GRID1: variants seen among roughly 807,000 people sequenced by gnomAD.
GRID1 encodes the protein glutamate receptor ionotropic, delta-1.
In GRID1, 28 loss-of-function variants were observed where a neutral mutation model predicts 98.0. That is an observed-to-expected ratio of 0.29 (90% CI 0.21 to 0.39). The LOEUF is 0.39. GRID1 is among the 10% of genes least tolerant of loss of function. The pLI is 1.00. For missense variants in GRID1, 1,111 were observed against 1,340.5 expected, an observed-to-expected ratio of 0.83 and a Z score of 2.67; for synonymous variants, 553 against 538.5, an observed-to-expected ratio of 1.03 and a Z score of -0.37.
chr10:86,038,788 G>C (rs928587012), intron 4 of GRID1, among the ~76,000 whole-genome samples: 1 of 152,162 alleles, frequency 6.6e-6, no homozygotes, highest in Admixed American at 6.5e-5. Flanking sequence ...AGGATCTATT[G>C]TGTGTTGGCT....
chr10:85,770,760 A>C (rs1309914395), intron 8 of GRID1, among the ~76,000 whole-genome samples: 1 of 152,194 alleles, frequency 6.6e-6, no homozygotes, highest in East Asian at 1.9e-4. Flanking sequence ...TGAAGTGAGA[A>C]GGGAAGTTTA....
intron 12 of GRID1, among the ~76,000 whole-genome samples, chr10:85,648,394 A>C (rs1395612967): frequency 1.3e-5 from 2 of 152,196 alleles, no homozygotes; most frequent in Admixed American, 1.3e-4. Context: ...GCAAAATAAA[A>C]AAAGCCCAGT....
intron 3 of GRID1, among the ~76,000 whole-genome samples, chr10:86,188,565 G>A (rs1255829082): frequency 2.0e-5 from 3 of 151,682 alleles, no homozygotes; most frequent in African/African-American, 7.2e-5. Flanking sequence ...AGGCATACAG[G>A]AAGAATGCCA....
chr10:86,008,005 G>A (rs1041236131), intron 4 of GRID1, among the ~76,000 whole-genome samples: 1 of 151,996 alleles, frequency 6.6e-6, no homozygotes. Flanking sequence ...CACTGATATT[G>A]TCACCTGAGA....
At chr10:85,956,351 T>G (rs1163298060) in intron 4 of GRID1, among the ~76,000 whole-genome samples, 11 of 150,194 alleles carry the variant, frequency 7.3e-5, no homozygotes, top group African/African-American at 2.4e-4. Flanking sequence ...TCCAGCAAGC[T>G]TCTGCTAGCC....
rs372361211 is a variant in GRID1, at chr10:86,152,773, G to A, written c.521-13749C>T. The stretch of plus-strand genomic sequence containing the variant: ...GCACCTGGGACAGAGCCCGTGTGAG[G>A]GGCAGGCTGCTCGGAACAGCAGCCC... On this transcript the variant is annotated intron_variant, in intron 3 of 15. Transcript: ENST00000327946. Among the ~76,000 whole-genome samples, 25 of 152,324 alleles carry A rather than the reference G, an allele frequency of 1.6e-4. No individual in the cohort carries two copies. The East Asian group carries it at 4.1e-3, about 25-fold the overall frequency.
At chr10:85,994,484 G>GGACC (rs1440493188) in intron 4 of GRID1, among the ~76,000 whole-genome samples, 8 of 152,132 alleles carry the variant, frequency 5.3e-5, no homozygotes, top group Admixed American at 1.3e-4. Flanking sequence ...TAGATGCTGG[G>GGACC]GACCACACAG....
intron 3 of GRID1, among the ~76,000 whole-genome samples, chr10:86,197,726 C>T (rs1448270957): frequency 6.6e-6 from 1 of 152,058 alleles, no homozygotes; most frequent in Non-Finnish European, 1.5e-5. Flanking sequence ...CTGCATCAGG[C>T]ATCTCCTCAT....
At chr10:86,118,111 T>A (rs572053017) in intron 4 of GRID1, among the ~76,000 whole-genome samples, 2 of 152,070 alleles carry the variant, frequency 1.3e-5, no homozygotes, top group South Asian at 4.2e-4. Flanking sequence ...GATAGATATA[T>A]ATACACACAC....
chr10:86,254,340 G>C (rs1176714356), intron 2 of GRID1, among the ~76,000 whole-genome samples: 1 of 152,180 alleles, frequency 6.6e-6, no homozygotes, highest in Non-Finnish European at 1.5e-5. Context: ...ATCTAGGCCA[G>C]AGGTTCTCAA....
chr10:86,024,610 T>G (rs1843092727), intron 4 of GRID1, among the ~76,000 whole-genome samples: 1 of 152,164 alleles, frequency 6.6e-6, no homozygotes, highest in Non-Finnish European at 1.5e-5. Flanking sequence ...CTGAGCCAGG[T>G]GAGGGCTCCC....
At chr10:86,207,370 G>A (rs181900284) in intron 2 of GRID1, among the ~76,000 whole-genome samples, 3 of 152,300 alleles carry the variant, frequency 2.0e-5, no homozygotes, top group African/African-American at 4.8e-5. Context: ...CAGTTACCAC[G>A]GGTGTGGAGG....
intron 12 of GRID1, among the ~76,000 whole-genome samples, chr10:85,722,591 T>C (rs1035780690): frequency 1.3e-5 from 2 of 152,150 alleles, no homozygotes; most frequent in South Asian, 2.1e-4. Context: ...ATTGTGGCAA[T>C]TGGCATTTTT....
chr10:85,611,617 CCATCCTTCT>C (rs1293295378), intron 15 of GRID1, among the ~76,000 whole-genome samples: 1 of 152,158 alleles, frequency 6.6e-6, no homozygotes, highest in East Asian at 1.9e-4. Flanking sequence ...CTGGTCTTTC[CCATCCTTCT>C]CATCCTTCTT....
At chr10:86,080,378 AAAGGAAAGGG>A (rs1843950355) in intron 4 of GRID1, among the ~76,000 whole-genome samples, 2 of 77,946 alleles carry the variant, frequency 2.6e-5, no homozygotes, top group Non-Finnish European at 2.5e-5. Flanking sequence ...GAGAAAAAGG[AAAGGAAAGGG>A]AAGGGAAGGG....
At chr10:86,223,185 T>G (rs1846284545) in intron 2 of GRID1, among the ~76,000 whole-genome samples, 1 of 152,154 alleles carries the variant, frequency 6.6e-6, no homozygotes, top group Non-Finnish European at 1.5e-5. Context: ...GGAAAGTGGC[T>G]GAGAGCGGGA....
At chr10:86,221,166 C>A (rs1367243375) in intron 2 of GRID1, among the ~76,000 whole-genome samples, 4 of 152,220 alleles carry the variant, frequency 2.6e-5, no homozygotes, top group African/African-American at 9.6e-5. Flanking sequence ...AAATCTCCTG[C>A]AGCCAGCAGG....
At chr10:86,166,157 A>G (rs545359971) in intron 3 of GRID1, among the ~76,000 whole-genome samples, 1 of 152,112 alleles carries the variant, frequency 6.6e-6, no homozygotes, top group Non-Finnish European at 1.5e-5. Flanking sequence ...GTACATGTGC[A>G]CAACATGCAG....
At chr10:85,626,795 G>A (rs1456561242) in intron 13 of GRID1, among the ~76,000 whole-genome samples, 1 of 152,156 alleles carries the variant, frequency 6.6e-6, no homozygotes, top group African/African-American at 2.4e-5. Flanking sequence ...AGATTCAACA[G>A]TAAAAACCCA....
Sources: gnomAD v4.1 joint callset for allele counts (sites outside exome capture counted in the v4.1 genomes callset) on GRCh38, gnomAD v4.1.1 for gene constraint, MANE v1.5 for transcripts, NCBI Gene and HGNC (gene_info 2026-07-23, HGNC 2026-07-21) for gene names.